Variants in ARFIP1 observed in about 807,000 individuals in gnomAD.
ARFIP1 encodes arfaptin-1.
ARFIP1 carries 24 observed loss-of-function variants against 42.5 expected under a neutral mutation model. The observed-to-expected ratio is 0.57, with a 90% CI of 0.41 to 0.80. The LOEUF (loss-of-function observed/expected upper bound fraction) is 0.80, where lower values mean the gene tolerates loss of function less well. Ranked by LOEUF, ARFIP1 falls within the 30% of genes least tolerant of loss-of-function variation. ARFIP1 has a pLI of 0.00. For synonymous variants in ARFIP1, 141 were observed against 153.7 expected (o/e 0.92, Z 0.61); for missense variants, 354 against 434.0 (o/e 0.82, Z 1.64).
intron 2 of ARFIP1, among the ~76,000 whole-genome samples, chr4:152,843,607 A>G (rs980599803): frequency 6.6e-6 from 1 of 151,864 alleles, no homozygotes; most frequent in African/African-American, 2.4e-5. Context: ...GCTCTGGGGG[A>G]TGGGGGTGAG....
intron 8 of ARFIP1, among the ~76,000 whole-genome samples, chr4:152,907,535 T>G (rs1191734821): frequency 6.6e-5 from 10 of 152,212 alleles, no homozygotes; most frequent in Non-Finnish European, 1.5e-4. Context: ...TATTCTGAAT[T>G]TGTTTATTGT....
At chr4:152,857,852 T>G (rs191971400) in intron 2 of ARFIP1, among the ~76,000 whole-genome samples, 130 of 152,318 alleles carry the variant, frequency 8.5e-4, no homozygotes, top group African/African-American at 3.1e-3. Flanking sequence ...ACTATCAATC[T>G]CCTCCCTTCC....
At chr4:152,886,116 A>G (rs1337542101) in intron 7 of ARFIP1, among the ~76,000 whole-genome samples, 3 of 150,494 alleles carry the variant, frequency 2.0e-5, no homozygotes, top group Non-Finnish European at 4.4e-5. Flanking sequence ...TTGTCTCCTT[A>G]GCTCCAATGC....
At chr4:152,811,260 T>C (rs1285263735) in intron 1 of ARFIP1, among the ~76,000 whole-genome samples, 5 of 152,184 alleles carry the variant, frequency 3.3e-5, no homozygotes, top group Non-Finnish European at 7.3e-5. Flanking sequence ...TATTATCCGA[T>C]ATGTTTCTTA....
intron 8 of ARFIP1, among the ~76,000 whole-genome samples, chr4:152,896,417 A>G (rs1579032756): frequency 6.6e-6 from 1 of 152,210 alleles, no homozygotes; most frequent in Non-Finnish European, 1.5e-5. Context: ...CTTTGCAGCT[A>G]TTTAAAAAAA....
chr4:152,891,140 C>T (rs145479655), intron 8 of ARFIP1, among the ~76,000 whole-genome samples: 2 of 152,150 alleles, frequency 1.3e-5, no homozygotes, highest in African/African-American at 4.8e-5. Flanking sequence ...GAGGACTGTA[C>T]CTCCCAAAGG....
intron 6 of ARFIP1, 26 bp from the exon 7 acceptor site, chr4:152,882,696 TA>T: frequency 6.2e-7 from 1 of 1,603,578 alleles, no homozygotes; most frequent in Non-Finnish European, 8.5e-7. Flanking sequence ...TATTACTGAA[TA>T]AATTAAGGTG....
intron 1 of ARFIP1, among the ~76,000 whole-genome samples, chr4:152,809,498 G>C (rs1055845504): frequency 6.6e-6 from 1 of 152,318 alleles, no homozygotes; most frequent in Non-Finnish European, 1.5e-5. Context: ...GAGGCAGAAA[G>C]CTCCCCTAGT....
Position 152,794,318 on chromosome 4 carries a change from A to G in ARFIP1, c.-10+14092A>G, listed in dbSNP as rs941959300. On this transcript the variant is annotated intron_variant, in intron 1 of 8. Coordinates refer to ENST00000353617, the MANE Select transcript of ARFIP1 (RefSeq NM_001025595.3). ...TCTAACATTTTGCTTGTCTTTTATG[A>G]CTATGACACTTTTGAAGAATACTAA... Among the ~76,000 whole-genome samples, 3 of 152,142 alleles carry G rather than the reference A, an allele frequency of 2.0e-5. No individual in the cohort carries two copies. The South Asian group carries it at 6.2e-4, about 31-fold the overall frequency.
Position 152,823,141 on chromosome 4 carries a change from C to G in ARFIP1, c.-9-6484C>G, listed in dbSNP as rs80051948. ...TGAAAAGATAAGCAAAACTGATAAA[C>G]TACTCGCTAGATGAACCAAGAAAAG... On this transcript the variant is annotated intron_variant, in intron 1 of 8. Transcript: ENST00000353617. Among the ~76,000 whole-genome samples the G allele has an allele frequency of 4.4e-3, 676 of 152,142 alleles. 4 individuals are homozygous for G. Among genetic ancestry groups the G allele is most frequent in the African/African-American group, 0.015 (634 of 41,506 alleles).
At position 152,882,886 on chromosome 4, in the gene ARFIP1, G is replaced by C. The variant is rs1226427127; in HGVS notation, c.791+6G>C. The C allele has an allele frequency of 6.3e-7, 1 of 1,598,932 alleles. No individual in the cohort carries two copies. Among genetic ancestry groups the C allele is most frequent in the Non-Finnish European group, 8.5e-7 (1 of 1,174,370 alleles). On this transcript the variant is annotated splice_donor_region_variant and intron_variant, in intron 7 of 8. Coordinates refer to ENST00000353617, the MANE Select transcript of ARFIP1 (RefSeq NM_001025595.3). ...AAACAGTATGAAAGTGCCAGGTAAG[G>C]TATACATTTTCACTGTGTTGTCTGT...
At chr4:152,795,820 A>ATTTTTTTTTT (rs56845391) in intron 1 of ARFIP1, among the ~76,000 whole-genome samples, 722 of 27,954 alleles carry the variant, frequency 0.026, 46 homozygotes, top group Non-Finnish European at 0.029. Context: ...GGCCCTTGTA[A>ATTTTTTTTTT]TTTTTTTTTT....
At chr4:152,895,551 CTTTTTTTTTTTTTT>C (rs34697452) in intron 8 of ARFIP1, among the ~76,000 whole-genome samples, 1 of 63,898 alleles carries the variant, frequency 1.6e-5, no homozygotes, top group South Asian at 6.4e-4. Flanking sequence ...TGCACTTGGC[CTTTTTTTTTTTTTT>C]TTTTTTTTTT....
At chr4:152,861,694 T>G (rs1392623020) in intron 2 of ARFIP1, among the ~76,000 whole-genome samples, 1 of 152,224 alleles carries the variant, frequency 6.6e-6, no homozygotes, top group Non-Finnish European at 1.5e-5. Flanking sequence ...GGCTAGTGAT[T>G]TAATAATCCC....
intron 2 of ARFIP1, among the ~76,000 whole-genome samples, chr4:152,842,295 G>A (rs1306863345): frequency 6.6e-6 from 1 of 151,066 alleles, no homozygotes; most frequent in East Asian, 1.9e-4. Context: ...CCTTTGTATG[G>A]GAGCTCTATT....
At position 152,880,994 on chromosome 4, in the gene ARFIP1, G is replaced by T. The variant is rs1735798214; in HGVS notation, c.443G>T (p.Gly148Val). 6.2e-7 allele frequency: 1 copy of T among 1,613,710 alleles called. No individual in the cohort carries two copies. Among genetic ancestry groups the T allele is most frequent in the Non-Finnish European group, 8.5e-7 (1 of 1,179,788 alleles). ...CGACAGATTATCTCTGAGAAGCTAG[G>T]CCGTGGCTCAAGAACTGTGGACCTT... Reference protein sequence around the residue: ...CTRQIISEKLGRGSRTVDLEL... With the variant: ...CTRQIISEKLVRGSRTVDLEL... Residue 148 changes from glycine (G) to valine (V), a missense_variant, in exon 6 of 9, where the codon GGC (glycine) becomes GTC (valine). Coordinates refer to ENST00000353617, the MANE Select transcript of ARFIP1 (RefSeq NM_001025595.3).
At position 152,912,030 on chromosome 4, in the gene ARFIP1, G is replaced by C. The variant is rs1738886734; in HGVS notation, c.*1811G>C. On this transcript the variant is annotated 3_prime_UTR_variant, in exon 9 of 9. Coordinates refer to ENST00000353617, the MANE Select transcript of ARFIP1 (RefSeq NM_001025595.3). ...ACTTCTGTCACTTATAATTGTTTTA[G>C]CTCAGTAAGCTATTTTTTTTCAATG... is the stretch of plus-strand genomic sequence containing the variant. 1 of 152,284 alleles carries C rather than the reference G, an allele frequency of 6.6e-6. No homozygotes were observed. The highest frequency in any genetic ancestry group is 1.5e-5 in the Non-Finnish European group (1 of 67,966). 9.4% of individuals were successfully genotyped at this position (152,284 alleles called of 1,614,324 possible). A position where few individuals can be genotyped will look rare whatever the true frequency, so the allele number is the denominator to read the frequency against.
intron 1 of ARFIP1, among the ~76,000 whole-genome samples, chr4:152,811,153 CA>C (rs1729432176): frequency 6.7e-6 from 1 of 148,678 alleles, no homozygotes; most frequent in Non-Finnish European, 1.5e-5. Flanking sequence ...CTAGCACACC[CA>C]CTCTGGAGAC....
At chr4:152,780,477 C>G (rs1730420513) in intron 1 of ARFIP1, among the ~76,000 whole-genome samples, 1 of 152,212 alleles carries the variant, frequency 6.6e-6, no homozygotes. Context: ...GGGAGGCACT[C>G]TCTTGGCTTT....
Sources: allele counts gnomAD v4.1 joint callset (sites outside exome capture counted in the v4.1 genomes callset), GRCh38; gene constraint gnomAD v4.1.1; transcripts MANE v1.5; gene names NCBI Gene and HGNC (gene_info 2026-07-23, HGNC 2026-07-21).